LARS1: variants seen among roughly 807,000 people sequenced by gnomAD.
The protein encoded by LARS1 is leucine--tRNA ligase, cytoplasmic.
Under a neutral mutation model 162.8 loss-of-function variants are expected in LARS1, and 100 were observed. The ratio of observed to expected loss-of-function variants is 0.61; its 90% CI spans 0.52 to 0.73. The LOEUF is 0.73. LARS1 is among the 30% of genes least tolerant of loss of function. LARS1 has a pLI of 0.00. For missense variants in LARS1, 1,258 were observed against 1,408.9 expected (o/e 0.89, Z 1.71); for synonymous variants, 457 against 462.8 (o/e 0.99, Z 0.16).
At chr5:146,175,942 G>A (rs1028456479) in intron 2 of LARS1, among the ~76,000 whole-genome samples, 17 of 151,974 alleles carry the variant, frequency 1.1e-4, no homozygotes, top group African/African-American at 4.1e-4. Flanking sequence ...ATCACTTGAA[G>A]CCAGGAGTTT....
chr5:146,179,095 G>A lies in LARS1; in HGVS notation c.7-1430C>T, dbSNP rs532971461. 2.0e-5 allele frequency among the ~76,000 whole-genome samples: 3 copies of A among 152,084 alleles called. No individual in the cohort carries two copies. The South Asian group carries it at 6.2e-4, about 32-fold the overall frequency. ...AAAAATACAAAAATTAGCCGGATGC[G>A]TTGGCATGCGCCTATAATCTCAGCT... On this transcript the variant is annotated intron_variant, in intron 1 of 31. Transcript: ENST00000394434.
chr5:146,173,946 A>G (rs186956262), intron 2 of LARS1, among the ~76,000 whole-genome samples: 2 of 152,242 alleles, frequency 1.3e-5, no homozygotes, highest in Admixed American at 1.3e-4. Context: ...TTCACTTGAC[A>G]TTATATTACT....
intron 28 of LARS1, among the ~76,000 whole-genome samples, chr5:146,126,162 G>C (rs1225221521): frequency 1.3e-5 from 2 of 152,044 alleles, no homozygotes; most frequent in Admixed American, 6.6e-5. Flanking sequence ...TAAGCCAAAA[G>C]AGTTTGAAAG....
chr5:146,164,257 T>TAAAAAAGCACATAC lies in LARS1; in HGVS notation c.594+39_594+52dup, dbSNP rs140904487. ...GAAAGCACAATAAAGCAAAGCACAA[T>TAAAAAAGCACATAC]AAAAAAGCACATACTTGTAAATGCT... On this transcript the variant is annotated intron_variant, in intron 6 of 31. Transcript: ENST00000394434. 0.066 allele frequency: 99,713 copies of TAAAAAAGCACATAC among 1,516,938 alleles called. 4,163 individuals are homozygous for TAAAAAAGCACATAC. The highest frequency in any genetic ancestry group is 0.15 in the African/African-American group (10,536 of 71,762). The allele number at this position is 1,516,938 out of a possible 1,614,324, so 94.0% of individuals were successfully genotyped here.
Position 146,177,586 on chromosome 5 carries a change from AC to A in LARS1, c.85del (p.Val29CysfsTer9). On this transcript the variant is annotated frameshift_variant, in exon 2 of 32. Transcript: ENST00000394434. LOFTEE classifies it high-confidence loss of function. ...TAAATTAGATGCATTGACCTCAAAC[AC>A]TCTCTCAGTATCCCATTTCTGTTGG... is the stretch of plus-strand genomic sequence containing the variant. ...EIQQKWDTER[V>X]FEVNASNLEK... is the part of the protein sequence containing the mutation. 1 of 1,602,116 alleles carries A rather than the reference AC, an allele frequency of 6.2e-7. No homozygotes were observed. The highest frequency in any genetic ancestry group is 2.3e-5 in the East Asian group (1 of 44,336).
At chr5:146,158,472 T>C (rs917848591) in intron 8 of LARS1, among the ~76,000 whole-genome samples, 2 of 152,228 alleles carry the variant, frequency 1.3e-5, no homozygotes, top group African/African-American at 4.8e-5. Context: ...TAGGGAATCA[T>C]AAGTTCAGAT....
intron 1 of LARS1, among the ~76,000 whole-genome samples, chr5:146,178,609 C>T (rs1349012555): frequency 1.4e-5 from 2 of 143,710 alleles, no homozygotes; most frequent in East Asian, 4.0e-4. Flanking sequence ...AGCGAAACTC[C>T]ATCCCCCACC....
rs141205004 is a variant in LARS1 at position 146,125,002 on chromosome 5, T to TACACACAC, written c.2992-924_2992-917dup. Among the ~76,000 whole-genome samples the TACACACAC allele has an allele frequency of 3.8e-3, 580 of 150,934 alleles. 3 individuals carry two copies. Among genetic ancestry groups the TACACACAC allele is most frequent in the South Asian group, 0.015 (74 of 4,796 alleles). On this transcript the variant is annotated intron_variant, in intron 28 of 31. Transcript: ENST00000394434. ...AACTCTTGAATCTAATATCATTTTA[T>TACACACAC]ACACACACACACACGCACACACACA...
Position 146,153,161 on chromosome 5 carries a change from T to C in LARS1, c.1284+13A>G. ...AGATGGATGTGAATATTCTGAATTATCTATGTACTCACCGGCTCAAATGGC... is the reference window on the plus strand; with the variant it reads ...AGATGGATGTGAATATTCTGAATTACCTATGTACTCACCGGCTCAAATGGC... On this transcript the variant is annotated intron_variant, in intron 13 of 31. Transcript: ENST00000394434. 6.3e-7 allele frequency: 1 copy of C among 1,597,176 alleles called. No homozygotes were observed. Among genetic ancestry groups the C allele is most frequent in the Non-Finnish European group, 8.6e-7 (1 of 1,165,050 alleles).
At chr5:146,147,830 C>T (rs1753085052) in intron 15 of LARS1, among the ~76,000 whole-genome samples, 1 of 152,014 alleles carries the variant, frequency 6.6e-6, no homozygotes, top group South Asian at 2.1e-4. Context: ...CCACCAAGCA[C>T]CCAGTAGAAT....
chr5:146,173,213 G>A (rs4705119), intron 2 of LARS1, among the ~76,000 whole-genome samples: 33,801 of 151,750 alleles, frequency 0.22, 4,819 homozygotes, highest in Admixed American at 0.34. Flanking sequence ...GATGGCGTGC[G>A]CTGATAATCC....
chr5:146,157,893 G>A (rs1405734075), intron 8 of LARS1, 98 bp from the exon 9 acceptor site: 2 of 1,172,190 alleles, frequency 1.7e-6, no homozygotes, highest in African/African-American at 1.5e-5. Flanking sequence ...CCTAAAATGG[G>A]TTCTTGCATT....
intron 5 of LARS1, 124 bp downstream of exon 5, chr5:146,168,004 T>C: frequency 1.2e-6 from 1 of 853,072 alleles, no homozygotes; most frequent in South Asian, 2.3e-5. Context: ...TTTTTTGCTT[T>C]GATACTTTAA....
intron 5 of LARS1, among the ~76,000 whole-genome samples, chr5:146,165,227 T>C (rs539655984): frequency 1.3e-5 from 2 of 152,094 alleles, no homozygotes; most frequent in African/African-American, 4.8e-5. Flanking sequence ...CCAGCTACCC[T>C]GGAGGCTGAG....
rs751203306 is a variant in LARS1 at position 146,142,980 on chromosome 5, T to C, written c.1982A>G (p.Glu661Gly). The C allele has an allele frequency of 6.2e-7, 1 of 1,613,914 alleles. No individual in the cohort carries two copies. Among genetic ancestry groups the C allele is most frequent in the Admixed American group, 1.7e-5 (1 of 60,004 alleles). Residue 661 changes from glutamate (E) to glycine (G), a missense_variant, in exon 20 of 32, where the codon GAG becomes GGG. Glu to Gly is a moderately conservative substitution (Grantham distance 98). Coordinates refer to ENST00000394434, the MANE Select transcript of LARS1 (RefSeq NM_020117.11). Reference protein sequence around the residue: ...AKEKLDQLKQEFEFWYPVDLR... With the variant: ...AKEKLDQLKQGFEFWYPVDLR... ...ATCAACAGGATACCAGAATTCAAAC[T>C]CCTGCTTTAACTGATCTAATTTTTC...
chr5:146,149,598 T>G lies in LARS1; in HGVS notation c.1503+24A>C, dbSNP rs1314842634. 6 of 1,564,722 alleles carry G rather than the reference T, an allele frequency of 3.8e-6. No homozygotes were observed. In the Middle Eastern group the frequency reaches 8.4e-4, roughly 219 times the overall value. ...TATTAACAGCTCTTCTAAAACAGCC[T>G]TCAGAGCATAGCCTATCACATACAG... On this transcript the variant is annotated intron_variant, in intron 15 of 31. Coordinates refer to ENST00000394434, the MANE Select transcript of LARS1 (RefSeq NM_020117.11).
intron 5 of LARS1, among the ~76,000 whole-genome samples, chr5:146,167,868 TAG>T (rs1754087872): frequency 6.6e-6 from 1 of 151,458 alleles, no homozygotes; most frequent in Non-Finnish European, 1.5e-5. Context: ...GTATTTTTAG[TAG>T]AGACGGGGTT....
Position 146,130,060 on chromosome 5 carries a change from G to C in LARS1, c.2586C>G (p.Phe862Leu), listed in dbSNP as rs749087544. The change falls in exon 25 of 32, where the codon TTC becomes TTG. Residue 862 changes from phenylalanine (F) to leucine (L), a missense_variant. Transcript: ENST00000394434. ...IEVQTLLLAP[F>L]CPHLCEHIWT... The stretch of plus-strand genomic sequence containing the variant: ...AGATGTGCTCACACAAATGTGGACA[G>C]AATGGAGCGAGGAGAAGTGTCTGAA... 1.2e-6 allele frequency: 2 copies of C among 1,613,996 alleles called. No homozygotes were observed. Among genetic ancestry groups the C allele is most frequent in the African/African-American group, 1.3e-5 (1 of 75,048 alleles).
intron 15 of LARS1, 37 bp from the exon 16 acceptor site, chr5:146,144,746 G>T: frequency 6.5e-7 from 1 of 1,529,136 alleles, no homozygotes; most frequent in Non-Finnish European, 9.0e-7. Flanking sequence ...TAGATACTAT[G>T]TCAAATCAAT....
Sources: allele counts gnomAD v4.1 joint callset (sites outside exome capture counted in the v4.1 genomes callset), GRCh38; gene constraint gnomAD v4.1.1; transcripts MANE v1.5; gene names NCBI Gene and HGNC (gene_info 2026-07-23, HGNC 2026-07-21).